The following ATG10 variants were observed in gnomAD, a reference collection of about 807,000 sequenced individuals.
ATG10 encodes the protein autophagy related 10, also known as ubiquitin-like-conjugating enzyme ATG10.
ATG10 carries 30 observed loss-of-function variants against 32.1 expected under a neutral mutation model. The observed-to-expected ratio is 0.94, with a 90% confidence interval of 0.70 to 1.27. ATG10 has a LOEUF of 1.27. Among genes scored for constraint, ATG10 ranks in the 50% most tolerant of loss-of-function variants. The probability of loss-of-function intolerance (pLI) is 0.00; values close to 1 mark genes in which losing one functional copy is unlikely to be tolerated. For synonymous variants in ATG10, 87 were observed against 91.5 expected (o/e 0.95, Z 0.28); for missense variants, 233 against 262.3 (o/e 0.89, Z 0.77).
At chr5:82,100,892 T>C (rs987045762) in intron 3 of ATG10, among the ~76,000 whole-genome samples, 8 of 149,474 alleles carry the variant, frequency 5.4e-5, no homozygotes, top group Non-Finnish European at 3.0e-5. Flanking sequence ...AGGAAGTTAA[T>C]AATTCCCCTG....
chr5:82,009,845 A>C lies in ATG10; in HGVS notation c.108+22167A>C. On this transcript the variant is annotated intron_variant, in intron 2 of 7. Transcript: ENST00000282185. ...GCTTTAGGATGAAGTTCTCATCTTC[A>C]AATTTCTCCCCATAGATGGACTTGC... 3 of 1,608,896 alleles carry C rather than the reference A, an allele frequency of 1.9e-6. No homozygotes were observed. The South Asian group carries it at 3.3e-5, about 18-fold the overall frequency.
At chr5:82,042,421 CA>C (rs1196425517) in intron 2 of ATG10, among the ~76,000 whole-genome samples, 3 of 152,128 alleles carry the variant, frequency 2.0e-5, no homozygotes, top group Non-Finnish European at 4.4e-5. Flanking sequence ...GGCGGGGATA[CA>C]AATCTAAACC....
At chr5:82,059,441 T>C (rs937277724) in intron 3 of ATG10, among the ~76,000 whole-genome samples, 5 of 151,514 alleles carry the variant, frequency 3.3e-5, no homozygotes, top group Non-Finnish European at 5.9e-5. Context: ...AAGTATATCA[T>C]GGACATCTTT....
intron 2 of ATG10, among the ~76,000 whole-genome samples, chr5:81,988,660 C>T (rs1194075459): frequency 6.6e-6 from 1 of 152,090 alleles, no homozygotes; most frequent in Non-Finnish European, 1.5e-5. Flanking sequence ...TCTTGAACTA[C>T]TGACCTCAAG....
intron 2 of ATG10, among the ~76,000 whole-genome samples, chr5:82,007,383 A>G (rs1026226587): frequency 6.6e-6 from 1 of 152,226 alleles, no homozygotes; most frequent in Admixed American, 6.5e-5. Context: ...CATGTCTCAC[A>G]TTTGCTAATA....
intron 3 of ATG10, among the ~76,000 whole-genome samples, chr5:82,083,165 G>T (rs544652493): frequency 6.6e-6 from 1 of 152,144 alleles, no homozygotes; most frequent in Non-Finnish European, 1.5e-5. Context: ...CTTAGCAAAC[G>T]GCACACCAGG....
chr5:82,212,297 G>C (rs150279446), intron 5 of ATG10, among the ~76,000 whole-genome samples: 3 of 152,146 alleles, frequency 2.0e-5, no homozygotes, highest in African/African-American at 7.2e-5. Context: ...TCCACTGCCA[G>C]CTCCCTCCCT....
intron 3 of ATG10, among the ~76,000 whole-genome samples, chr5:82,085,995 A>G (rs1764675952): frequency 6.6e-6 from 1 of 152,160 alleles, no homozygotes; most frequent in Non-Finnish European, 1.5e-5. Context: ...ACAAGAACTT[A>G]AGAATTTTAA....
intron 5 of ATG10, among the ~76,000 whole-genome samples, chr5:82,188,404 T>A (rs1251434659): frequency 6.6e-6 from 1 of 152,208 alleles, no homozygotes; most frequent in Non-Finnish European, 1.5e-5. Flanking sequence ...ATCCCTGGAA[T>A]TACTATTTCT....
intron 1 of ATG10, among the ~76,000 whole-genome samples, chr5:81,984,146 T>G (rs889988177): frequency 6.6e-6 from 1 of 152,234 alleles, no homozygotes; most frequent in Non-Finnish European, 1.5e-5. Context: ...CATTGAGCAC[T>G]GAATGAACCA....
At chr5:82,008,466 A>C (rs939161323) in intron 2 of ATG10, among the ~76,000 whole-genome samples, 19 of 152,202 alleles carry the variant, frequency 1.2e-4, no homozygotes, top group African/African-American at 4.6e-4. Flanking sequence ...CAATAATTTC[A>C]AGAAGAACAG....
intron 2 of ATG10, among the ~76,000 whole-genome samples, chr5:82,024,538 C>G (rs1311996713): frequency 1.3e-5 from 2 of 152,046 alleles, no homozygotes; most frequent in East Asian, 3.8e-4. Flanking sequence ...GTGTTTTTCA[C>G]AAAAATATGT....
At chr5:82,034,154 C>T (rs1561265244) in intron 2 of ATG10, among the ~76,000 whole-genome samples, 1 of 151,792 alleles carries the variant, frequency 6.6e-6, no homozygotes, top group Non-Finnish European at 1.5e-5. Context: ...ATCCAACAAC[C>T]AAATTGACAT....
At position 82,238,773 on chromosome 5, in the gene ATG10, T is replaced by C. The variant is rs140033177; in HGVS notation, c.454-13789T>C. Among the ~76,000 whole-genome samples the C allele has an allele frequency of 2.4e-3, 367 of 152,154 alleles. 1 individual carries two copies. The highest frequency in any genetic ancestry group is 3.0e-3 in the Non-Finnish European group (204 of 67,996). On this transcript the variant is annotated intron_variant, in intron 5 of 7. Coordinates refer to ENST00000282185, the MANE Select transcript of ATG10 (RefSeq NM_031482.5). ...TACTGAATGCATAAGTAAAAAAACA[T>C]ATGGAGTAACAAAGGTGGGAGTAAA...
At chr5:81,978,871 G>C (rs1022015864) in intron 1 of ATG10, among the ~76,000 whole-genome samples, 14 of 151,862 alleles carry the variant, frequency 9.2e-5, no homozygotes, top group Non-Finnish European at 5.9e-5. Flanking sequence ...GAGAAGAGGT[G>C]TATAGAATAA....
At chr5:82,092,884 T>C (rs1237826230) in intron 3 of ATG10, among the ~76,000 whole-genome samples, 2 of 152,178 alleles carry the variant, frequency 1.3e-5, no homozygotes, top group Non-Finnish European at 2.9e-5. Context: ...CTTTAATATC[T>C]CTTGATATCC....
At chr5:82,165,788 T>C (rs886714588) in intron 4 of ATG10, among the ~76,000 whole-genome samples, 12 of 152,320 alleles carry the variant, frequency 7.9e-5, no homozygotes, top group African/African-American at 2.6e-4. Context: ...AAGTAGGAGA[T>C]ATATTTGTTT....
chr5:82,173,683 C>T (rs1189430957), intron 4 of ATG10, among the ~76,000 whole-genome samples: 2 of 152,122 alleles, frequency 1.3e-5, no homozygotes, highest in African/African-American at 2.4e-5. Context: ...CTCAATGTGA[C>T]TAATGAAATT....
intron 5 of ATG10, among the ~76,000 whole-genome samples, chr5:82,181,382 T>G (rs1744226564): frequency 6.6e-6 from 1 of 152,180 alleles, no homozygotes; most frequent in African/African-American, 2.4e-5. Flanking sequence ...ACTTGGCATT[T>G]GAAAATCATC....
Sources: allele counts gnomAD v4.1 joint callset (sites outside exome capture counted in the v4.1 genomes callset), GRCh38; gene constraint gnomAD v4.1.1; transcripts MANE v1.5; gene names NCBI Gene and HGNC (gene_info 2026-07-23, HGNC 2026-07-21).